Variants in APBA2 observed in about 807,000 individuals in gnomAD.
The protein encoded by APBA2 is amyloid beta precursor protein binding family A member 2.
A neutral mutation model predicts 75.0 loss-of-function variants in APBA2; 30 were observed. The ratio of observed to expected loss-of-function variants is 0.40; its 90% confidence interval spans 0.30 to 0.54. The LOEUF (loss-of-function observed/expected upper bound fraction) is 0.54, where lower values mean the gene tolerates loss of function less well. APBA2 is among the 20% of genes least tolerant of loss of function. APBA2 has a pLI of 0.49. For synonymous variants in APBA2, 444 were observed against 409.6 expected, an observed-to-expected ratio of 1.08 and a Z score of -1.01; for missense variants, 801 against 1,016.1, an observed-to-expected ratio of 0.79 and a Z score of 2.88.
intron 7 of APBA2, among the ~76,000 whole-genome samples, chr15:29,093,992 C>T (rs939722170): frequency 3.3e-5 from 5 of 152,260 alleles, no homozygotes; most frequent in African/African-American, 7.2e-5. Context: ...TGCCTTGCTC[C>T]GCTGCCTGGA....
intron 10 of APBA2, among the ~76,000 whole-genome samples, chr15:29,103,960 G>A (rs1336663559): frequency 2.6e-5 from 4 of 152,230 alleles, no homozygotes; most frequent in Admixed American, 2.6e-4. Flanking sequence ...CCTCCAGCTG[G>A]GTCTGTGCGC....
intron 2 of APBA2, among the ~76,000 whole-genome samples, chr15:28,960,555 T>C (rs2036413526): frequency 6.6e-6 from 1 of 151,880 alleles, no homozygotes; most frequent in Admixed American, 6.6e-5. Context: ...TGGTCACACA[T>C]AATGCTGGTG....
At chr15:29,107,848 T>C (rs1468177144) in intron 12 of APBA2, among the ~76,000 whole-genome samples, 2 of 152,076 alleles carry the variant, frequency 1.3e-5, no homozygotes, top group Non-Finnish European at 1.5e-5. Context: ...TTGGAGGGCA[T>C]TGGGTTTTGA....
Position 29,113,908 on chromosome 15 carries a change from G to A in APBA2, c.2070G>A (p.Glu690=). 6.2e-7 allele frequency: 1 copy of A among 1,612,876 alleles called. No individual in the cohort carries two copies. Among genetic ancestry groups the A allele is most frequent in the Non-Finnish European group, 8.5e-7 (1 of 1,180,028 alleles). ...ICSLMRGGIA[E]RGGVRVGHRI... is the part of the protein sequence containing the mutation. ...GCCTCATGAGAGGGGGCATTGCTGA[G>A]CGAGGGGGCGTCCGTGTGGGCCACC... The change falls in exon 14 of 15, where the codon GAG becomes GAA. Residue 690 remains glutamate (E), a synonymous_variant. Coordinates refer to ENST00000683413, the MANE Select transcript of APBA2 (RefSeq NM_001353788.2).
intron 6 of APBA2, 65 bp downstream of exon 6, chr15:29,076,156 T>A (rs1033605412): frequency 1.2e-5 from 19 of 1,547,846 alleles, no homozygotes; most frequent in Non-Finnish European, 1.7e-5. Flanking sequence ...AAATGGTGCT[T>A]TTAGTTTGGG....
intron 4 of APBA2, among the ~76,000 whole-genome samples, chr15:29,064,807 A>T (rs888042292): frequency 4.6e-5 from 7 of 152,260 alleles, no homozygotes; most frequent in Non-Finnish European, 8.8e-5. Flanking sequence ...GGAAGGCCAG[A>T]TGTAGCAGGG....
intron 4 of APBA2, among the ~76,000 whole-genome samples, chr15:29,064,209 G>A (rs115254904): frequency 0.017 from 2,624 of 152,180 alleles, 76 homozygotes; most frequent in African/African-American, 0.061. Flanking sequence ...GTCTCTCACC[G>A]ACTCCAAATG....
At chr15:28,911,671 T>C (rs1038170825) in intron 1 of APBA2, among the ~76,000 whole-genome samples, 1 of 152,236 alleles carries the variant, frequency 6.6e-6, no homozygotes, top group African/African-American at 2.4e-5. Context: ...CAAAAGGTAG[T>C]TGCTGCCATG....
chr15:28,886,861 C>T (rs2031773555), intron 1 of APBA2, among the ~76,000 whole-genome samples: 1 of 152,242 alleles, frequency 6.6e-6, no homozygotes, highest in South Asian at 2.1e-4. Context: ...ACGGCGCGGA[C>T]CTGCCCCTCG....
intron 3 of APBA2, among the ~76,000 whole-genome samples, chr15:29,040,115 C>T: frequency 6.6e-6 from 1 of 152,188 alleles, no homozygotes; most frequent in Admixed American, 6.5e-5. Flanking sequence ...TTTGTTTTGT[C>T]TTTTCCTCTC....
At chr15:29,025,702 A>G (rs1439588941) in intron 3 of APBA2, among the ~76,000 whole-genome samples, 1 of 151,708 alleles carries the variant, frequency 6.6e-6, no homozygotes, top group Non-Finnish European at 1.5e-5. Context: ...CTATAATCCC[A>G]GCAATTTGCG....
intron 3 of APBA2, among the ~76,000 whole-genome samples, chr15:29,044,878 T>C (rs2041227240): frequency 6.6e-6 from 1 of 152,130 alleles, no homozygotes; most frequent in Non-Finnish European, 1.5e-5. Flanking sequence ...TTCTCACAGC[T>C]CTGGAGGCTG....
intron 1 of APBA2, among the ~76,000 whole-genome samples, chr15:28,909,316 G>A (rs2033308510): frequency 6.6e-6 from 1 of 152,204 alleles, no homozygotes; most frequent in East Asian, 1.9e-4. Flanking sequence ...CTGTCTCTGT[G>A]AATTTGACGA....
intron 2 of APBA2, among the ~76,000 whole-genome samples, chr15:28,934,248 T>C (rs1441328477): frequency 1.3e-5 from 2 of 151,978 alleles, no homozygotes. Context: ...GCTTGCTGTG[T>C]ATGATTGTGA....
At chr15:29,053,387 A>G (rs1193307901) in intron 3 of APBA2, among the ~76,000 whole-genome samples, 3 of 152,078 alleles carry the variant, frequency 2.0e-5, no homozygotes, top group Non-Finnish European at 4.4e-5. Context: ...GGTACCCAAG[A>G]TAGTCTTTGA....
At position 29,101,484 on chromosome 15, in the gene APBA2, G is replaced by A. The variant is rs936299930; in HGVS notation, c.1339-115G>A. 76 of 1,151,082 alleles carry A rather than the reference G, an allele frequency of 6.6e-5. 1 individual carries two copies. Among genetic ancestry groups the A allele is most frequent in the African/African-American group, 1.5e-4 (10 of 65,244 alleles). The allele number at this position is 1,151,082 out of a possible 1,614,324, so 71.3% of individuals were successfully genotyped here. A position where few individuals can be genotyped will look rare whatever the true frequency, so the allele number is the denominator to read the frequency against. On this transcript the variant is annotated intron_variant, in intron 9 of 14. Coordinates refer to ENST00000683413, the MANE Select transcript of APBA2 (RefSeq NM_001353788.2). ...TGACCTCAGGTGATCTGCCTGCCTC[G>A]GCCTCCCAAAGTGCTAGGATTACAG...
chr15:29,111,680 G>A (rs1225028326), intron 13 of APBA2, among the ~76,000 whole-genome samples: 1 of 152,120 alleles, frequency 6.6e-6, no homozygotes, highest in Non-Finnish European at 1.5e-5. Flanking sequence ...GTTGAGGGTA[G>A]GGGTCTGGCT....
intron 1 of APBA2, among the ~76,000 whole-genome samples, chr15:28,887,002 C>G (rs558167522): frequency 6.6e-6 from 1 of 152,224 alleles, no homozygotes; most frequent in African/African-American, 2.4e-5. Context: ...CAGCGGGCCT[C>G]GGTGTGCCCA....
At chr15:29,103,560 T>C (rs2044238902) in intron 10 of APBA2, among the ~76,000 whole-genome samples, 1 of 152,186 alleles carries the variant, frequency 6.6e-6, no homozygotes, top group Non-Finnish European at 1.5e-5. Flanking sequence ...AGGCGGCGGC[T>C]GGCGGCACAC....
Sources: gnomAD v4.1 joint callset for allele counts (sites outside exome capture counted in the v4.1 genomes callset) on GRCh38, gnomAD v4.1.1 for gene constraint, MANE v1.5 for transcripts, NCBI Gene and HGNC (gene_info 2026-07-23, HGNC 2026-07-21) for gene names.